The following PLS1 variants were observed in gnomAD, a reference collection of about 807,000 sequenced individuals.
PLS1 encodes plastin 1, also known as plastin-1.
Under a neutral mutation model 73.7 loss-of-function variants are expected in PLS1, and 32 were observed. The ratio of observed to expected loss-of-function variants is 0.43; its 90% CI spans 0.33 to 0.58. PLS1 has a LOEUF of 0.58. PLS1 is among the 20% of genes least tolerant of loss of function. PLS1 has a pLI of 0.04. For synonymous variants in PLS1, 217 were observed against 261.3 expected (o/e 0.83, Z 1.63); for missense variants, 633 against 740.5 (o/e 0.85, Z 1.68).
chr3:142,678,262 T>A (rs976023072), intron 6 of PLS1, 149 bp downstream of exon 6: 63 of 320,842 alleles, frequency 2.0e-4, no homozygotes, highest in East Asian at 8.7e-4. Flanking sequence ...TCCTTTTTTT[T>A]ATTTTTATTT....
intron 1 of PLS1, among the ~76,000 whole-genome samples, chr3:142,619,992 C>G (rs902233648): frequency 4.6e-5 from 7 of 152,106 alleles, no homozygotes; most frequent in Admixed American, 2.0e-4. Context: ...AATGGCTACT[C>G]CCACAATCAG....
intron 1 of PLS1, among the ~76,000 whole-genome samples, chr3:142,628,680 C>T (rs540365889): frequency 6.6e-6 from 1 of 152,102 alleles, no homozygotes; most frequent in Non-Finnish European, 1.5e-5. Context: ...TTTAGGCCAC[C>T]ATGAAGAATC....
chr3:142,649,765 C>T (rs1307443085), intron 1 of PLS1, among the ~76,000 whole-genome samples: 1 of 152,128 alleles, frequency 6.6e-6, no homozygotes, highest in Admixed American at 6.5e-5. Flanking sequence ...TACTGCTGAT[C>T]AATGTGGGAG....
At position 142,684,367 on chromosome 3, in the gene PLS1, C is replaced by G. The variant is rs771783636; in HGVS notation, c.860C>G (p.Thr287Ser). 76 of 1,613,406 alleles carry G rather than the reference C, an allele frequency of 4.7e-5. No homozygotes were observed. The highest frequency in any genetic ancestry group is 6.4e-5 in the Non-Finnish European group (75 of 1,179,606). The change falls in exon 8 of 16, where the codon ACC becomes AGC. Residue 287 changes from threonine (T) to serine (S), a missense_variant. Physicochemically the swap from Thr to Ser is moderately conservative, Grantham distance 58 (BLOSUM62 1). Coordinates refer to ENST00000457734, the MANE Select transcript of PLS1 (RefSeq NM_001145319.2). ...CATCTGACCAATGCAGGATGGCATA[C>G]CATCAGCAACTTCAGCCAAGACATT... ...NYHLTNAGWH[T>S]ISNFSQDIKD...
intron 3 of PLS1, 71 bp downstream of exon 3, chr3:142,669,624 G>C: frequency 2.9e-6 from 3 of 1,029,000 alleles, no homozygotes; most frequent in Non-Finnish European, 4.2e-6. Flanking sequence ...GTCATCACTA[G>C]CTTTGGTTAA....
intron 14 of PLS1, 47 bp downstream of exon 14, chr3:142,704,633 G>A (rs1263605319): frequency 4.1e-6 from 2 of 484,382 alleles, no homozygotes; most frequent in South Asian, 2.9e-5. Flanking sequence ...GTATAGGAAG[G>A]AATTTTTTTT....
intron 3 of PLS1, among the ~76,000 whole-genome samples, chr3:142,670,488 A>ATTTTT (rs1227897820): frequency 6.6e-6 from 1 of 152,230 alleles, no homozygotes; most frequent in Admixed American, 6.5e-5. Flanking sequence ...CATTTAAAAA[A>ATTTTT]AAACCCAATC....
chr3:142,639,195 G>A (rs1388500065), intron 1 of PLS1, among the ~76,000 whole-genome samples: 2 of 152,154 alleles, frequency 1.3e-5, no homozygotes, highest in African/African-American at 2.4e-5. Context: ...AAACTTCGTC[G>A]TATCATAGCA....
At chr3:142,647,012 T>C (rs2036965650) in intron 1 of PLS1, among the ~76,000 whole-genome samples, 1 of 152,194 alleles carries the variant, frequency 6.6e-6, no homozygotes, top group African/African-American at 2.4e-5. Context: ...AAATGCATTT[T>C]TGACCTATTC....
At chr3:142,680,024 C>G (rs1164242026) in intron 6 of PLS1, among the ~76,000 whole-genome samples, 1 of 152,002 alleles carries the variant, frequency 6.6e-6, no homozygotes, top group Non-Finnish European at 1.5e-5. Context: ...GTATTTTATT[C>G]TCTTTGAAGC....
chr3:142,670,174 G>A (rs1401838507), intron 3 of PLS1, among the ~76,000 whole-genome samples: 2 of 152,224 alleles, frequency 1.3e-5, no homozygotes, highest in African/African-American at 2.4e-5. Flanking sequence ...AGACTGTGAT[G>A]TGTTCTGAAG....
At position 142,698,009 on chromosome 3, in the gene PLS1, T is replaced by A. The variant is rs749437174; in HGVS notation, c.1313T>A (p.Val438Asp). The A allele has an allele frequency of 6.2e-7, 1 of 1,613,774 alleles. No individual in the cohort carries two copies. The change falls in exon 12 of 16, where the codon GTC becomes GAC. Residue 438 changes from valine (V) to aspartate (D), a missense_variant. Physicochemically the swap from Val to Asp is radical, Grantham distance 152. Transcript: ENST00000457734. ...FQLYEMIRVP[V>D]NWSHVNKPPY... Reference sequence around the variant, plus strand: ...CTCTATGAGATGATCCGAGTGCCAGTCAACTGGAGCCATGTCAACAAACCT... The same window carrying A: ...CTCTATGAGATGATCCGAGTGCCAGACAACTGGAGCCATGTCAACAAACCT...
At chr3:142,654,956 A>G (rs1281241568) in intron 1 of PLS1, 2 of 152,110 alleles carry the variant, frequency 1.3e-5, no homozygotes, top group Non-Finnish European at 1.5e-5. Flanking sequence ...GAAGAGAAAT[A>G]TTAGAGAAAT....
At position 142,698,058 on chromosome 3, in the gene PLS1, C is replaced by G. The variant is rs2038247776; in HGVS notation, c.1362C>G (p.Asn454Lys). The part of the protein sequence containing the change: ...NKPPYPALGG[N>K]MKKIENCNYA... ...CTCCTTATCCTGCCCTTGGAGGGAA[C>G]ATGAAGAAGGTGAATGAAATAATGG... Residue 454 changes from asparagine to lysine, a missense_variant, in exon 12 of 16, where the codon AAC (asparagine) becomes AAG (lysine). By Grantham distance (94) the Asn-to-Lys change is moderately conservative. Coordinates refer to ENST00000457734, the MANE Select transcript of PLS1 (RefSeq NM_001145319.2). The G allele has an allele frequency of 6.4e-7, 1 of 1,560,350 alleles. No individual in the cohort carries two copies. The highest frequency in any genetic ancestry group is 1.4e-5 in the African/African-American group (1 of 73,870).
chr3:142,629,500 C>T (rs1315852540), intron 1 of PLS1, among the ~76,000 whole-genome samples: 4 of 152,124 alleles, frequency 2.6e-5, no homozygotes, highest in Non-Finnish European at 4.4e-5. Flanking sequence ...TGTGCCTGGC[C>T]GGATTAGAAA....
At chr3:142,624,220 C>T (rs2036373024) in intron 1 of PLS1, among the ~76,000 whole-genome samples, 1 of 152,058 alleles carries the variant, frequency 6.6e-6, no homozygotes, top group South Asian at 2.1e-4. Context: ...TTTCCAAGTA[C>T]CAAAATGTAC....
intron 1 of PLS1, among the ~76,000 whole-genome samples, chr3:142,661,226 G>T (rs2107819011): frequency 6.6e-6 from 1 of 152,204 alleles, no homozygotes; most frequent in Admixed American, 6.5e-5. Flanking sequence ...ATATAGTAAA[G>T]CTTTCTAAAG....
At chr3:142,691,290 G>C (rs1227539623) in intron 10 of PLS1, among the ~76,000 whole-genome samples, 1 of 151,924 alleles carries the variant, frequency 6.6e-6, no homozygotes, top group Non-Finnish European at 1.5e-5. Context: ...ATACGTAACT[G>C]AGAGGGAAAA....
At chr3:142,683,512 T>A (rs2037898529) in intron 6 of PLS1, among the ~76,000 whole-genome samples, 1 of 151,736 alleles carries the variant, frequency 6.6e-6, no homozygotes, top group Non-Finnish European at 1.5e-5. Flanking sequence ...TCAAAAAAAA[T>A]AAATAAAAAA....
Sources: allele counts gnomAD v4.1 joint callset (sites outside exome capture counted in the v4.1 genomes callset), GRCh38; gene constraint gnomAD v4.1.1; transcripts MANE v1.5; gene names NCBI Gene and HGNC (gene_info 2026-07-23, HGNC 2026-07-21).